The following EXOC2 variants were observed in gnomAD, a reference collection of about 807,000 sequenced individuals.
The protein encoded by EXOC2 is exocyst complex component 2.
In EXOC2, 70 loss-of-function variants were observed where a neutral mutation model predicts 131.8. The observed-to-expected ratio is 0.53, with a 90% CI of 0.44 to 0.65. The LOEUF (loss-of-function observed/expected upper bound fraction) is 0.65, where lower values mean the gene tolerates loss of function less well. EXOC2 is among the 30% of genes least tolerant of loss of function. The pLI, the probability that EXOC2 is intolerant of heterozygous loss-of-function variation, is 0.00. For missense variants in EXOC2, 923 were observed against 1,108.6 expected, an observed-to-expected ratio of 0.83 and a Z score of 2.38; for synonymous variants, 411 against 398.4, an observed-to-expected ratio of 1.03 and a Z score of -0.38.
At chr6:607,925 C>A (rs149894447) in intron 7 of EXOC2, among the ~76,000 whole-genome samples, 1 of 152,068 alleles carries the variant, frequency 6.6e-6, no homozygotes, top group African/African-American at 2.4e-5. Context: ...AAGTTTCCTG[C>A]AGCCAACAGT....
chr6:686,079 A>T lies in EXOC2; in HGVS notation c.-44+6940T>A, dbSNP rs539128067. 2.0e-5 allele frequency among the ~76,000 whole-genome samples: 3 copies of T among 151,030 alleles called. No homozygotes were observed. The East Asian group carries it at 5.9e-4, about 29-fold the overall frequency. ...TTGGTTCAAGCGATTCTCCTGCCTC[A>T]GCCTCCCAAGTAGCTGGGATTACAG... On this transcript the variant is annotated intron_variant, in intron 1 of 27. Coordinates refer to ENST00000230449, the MANE Select transcript of EXOC2 (RefSeq NM_018303.6).
intron 24 of EXOC2, among the ~76,000 whole-genome samples, chr6:499,430 AACACACACAC>A (rs5873755): frequency 2.0e-3 from 286 of 141,740 alleles, no homozygotes; most frequent in African/African-American, 4.8e-3. Context: ...CTCACAGTTA[AACACACACAC>A]ACACACACAC....
intron 4 of EXOC2, among the ~76,000 whole-genome samples, chr6:622,660 C>T (rs1240855600): frequency 1.3e-5 from 2 of 152,152 alleles, no homozygotes; most frequent in Non-Finnish European, 2.9e-5. Context: ...CTGGCAGCTA[C>T]GTCATACTCC....
At chr6:568,820 T>A (rs1488238836) in intron 13 of EXOC2, among the ~76,000 whole-genome samples, 1 of 152,212 alleles carries the variant, frequency 6.6e-6, no homozygotes, top group African/African-American at 2.4e-5. Flanking sequence ...AAATCTGTTG[T>A]TAAAAAACAT....
At chr6:580,538 G>T (rs1233566044) in intron 11 of EXOC2, among the ~76,000 whole-genome samples, 17 of 151,998 alleles carry the variant, frequency 1.1e-4, no homozygotes, top group Admixed American at 1.0e-3. Context: ...AGCAGGAAAT[G>T]ATTACCTTGG....
chr6:636,646 G>C (rs1150872), intron 2 of EXOC2, among the ~76,000 whole-genome samples: 144,968 of 152,294 alleles, frequency 0.95, 69,099 homozygotes, highest in East Asian at 1. Flanking sequence ...CAGAACCTTA[G>C]TAACAGCTCC....
intron 12 of EXOC2, among the ~76,000 whole-genome samples, 163 bp downstream of exon 12, chr6:576,594 T>C (rs1758590459): frequency 6.6e-6 from 1 of 152,218 alleles, no homozygotes; most frequent in Admixed American, 6.5e-5. Flanking sequence ...TATATTTTAA[T>C]TATTAAATTA....
rs191157534 is a variant in EXOC2 at position 531,175 on chromosome 6, A to C, written c.2380+1294T>G. Among the ~76,000 whole-genome samples, 29 of 152,328 alleles carry C rather than the reference A, an allele frequency of 1.9e-4. No homozygotes were observed. The East Asian group carries it at 5.4e-3, about 28-fold the overall frequency. The stretch of plus-strand genomic sequence containing the variant: ...TATTTTAGAAGGATGAGCTTTTCAA[A>C]AAGGCAGAGGTTGAGTCCAGCTGGA... On this transcript the variant is annotated intron_variant, in intron 23 of 27. Transcript: ENST00000230449.
At chr6:561,938 G>A (rs1757722192) in intron 17 of EXOC2, among the ~76,000 whole-genome samples, 2 of 152,144 alleles carry the variant, frequency 1.3e-5, no homozygotes, top group South Asian at 4.1e-4. Flanking sequence ...GTGCTCTCCC[G>A]ACCTCTGTTG....
At chr6:494,890 AT>A (rs1232566090) in intron 25 of EXOC2, among the ~76,000 whole-genome samples, 1 of 151,894 alleles carries the variant, frequency 6.6e-6, no homozygotes. Context: ...GAACATTCTT[AT>A]TTTTTTGAGA....
At chr6:605,426 C>G (rs1255725702) in intron 7 of EXOC2, among the ~76,000 whole-genome samples, 1 of 152,160 alleles carries the variant, frequency 6.6e-6, no homozygotes, top group East Asian at 1.9e-4. Flanking sequence ...CTGGTTTAGA[C>G]TTGGGAGGGT....
chr6:554,187 G>C (rs184373647), intron 20 of EXOC2, among the ~76,000 whole-genome samples: 4 of 151,920 alleles, frequency 2.6e-5, no homozygotes, highest in Non-Finnish European at 5.9e-5. Flanking sequence ...GATTACAGGC[G>C]CCCGCCACCA....
At chr6:495,823 A>G (rs1438865775) in intron 25 of EXOC2, among the ~76,000 whole-genome samples, 1 of 152,098 alleles carries the variant, frequency 6.6e-6, no homozygotes, top group East Asian at 1.9e-4. Flanking sequence ...TCATTCTTAC[A>G]CTTTTGAAAA....
In EXOC2 at chr6:555,988, T is replaced by C; in HGVS notation, c.1958A>G (p.Glu653Gly). The change falls in exon 19 of 28, where the codon GAG (glutamate) becomes GGG (glycine). Residue 653 changes from glutamate (E) to glycine (G), a missense_variant. Coordinates refer to ENST00000230449, the MANE Select transcript of EXOC2 (RefSeq NM_018303.6). Reference protein sequence around the residue: ...ASVFQQPKTQEEVCQLSINIM... With the variant: ...ASVFQQPKTQGEVCQLSINIM... ...ATTGATGCTTAGCTGGCAAACCTCC[T>C]CCTGTGTTTTAGGTTGTTGGAAGAC... is the stretch of plus-strand genomic sequence containing the variant. The C allele has an allele frequency of 6.2e-7, 1 of 1,614,168 alleles. No homozygotes were observed. The highest frequency in any genetic ancestry group is 8.5e-7 in the Non-Finnish European group (1 of 1,180,016).
At chr6:572,920 C>G (rs964773300) in intron 12 of EXOC2, among the ~76,000 whole-genome samples, 2 of 152,224 alleles carry the variant, frequency 1.3e-5, no homozygotes, top group Non-Finnish European at 2.9e-5. Context: ...GTGGCCACAG[C>G]CTCAGTACTG....
intron 23 of EXOC2, among the ~76,000 whole-genome samples, chr6:530,271 C>G (rs1160102445): frequency 6.6e-6 from 1 of 152,166 alleles, no homozygotes; most frequent in African/African-American, 2.4e-5. Flanking sequence ...AGAGAAGGAG[C>G]AACTGGCACA....
chr6:656,541 C>T (rs1484409532), intron 1 of EXOC2: 3 of 1,600,952 alleles, frequency 1.9e-6, no homozygotes, highest in Non-Finnish European at 2.6e-6. Context: ...GGGAAGCACC[C>T]GCACGGGCAG....
chr6:582,108 C>T (rs755333025), intron 11 of EXOC2, among the ~76,000 whole-genome samples: 5 of 152,056 alleles, frequency 3.3e-5, no homozygotes, highest in African/African-American at 4.8e-5. Context: ...AGAAAGTAAA[C>T]AATCTTTGAC....
rs1759087716 is a variant in EXOC2, at chr6:584,423, T to C, written c.1193-7541A>G. Among the ~76,000 whole-genome samples the C allele has an allele frequency of 2.0e-5, 3 of 152,250 alleles. No individual in the cohort carries two copies. In the South Asian group the frequency reaches 6.2e-4, roughly 32 times the overall value. ...ATTGTAATACTATGATTTATGCATG[T>C]ATGTTATGAGCTTGTACTGAAAATA... On this transcript the variant is annotated intron_variant, in intron 11 of 27. Transcript: ENST00000230449.
Sources: gnomAD v4.1 joint callset for allele counts (sites outside exome capture counted in the v4.1 genomes callset) on GRCh38, gnomAD v4.1.1 for gene constraint, MANE v1.5 for transcripts, NCBI Gene and HGNC (gene_info 2026-07-23, HGNC 2026-07-21) for gene names.